Variants in GNB5 observed in about 807,000 individuals in gnomAD.
GNB5 encodes the protein guanine nucleotide-binding protein subunit beta-5.
GNB5 carries 37 observed loss-of-function variants against 55.3 expected under a neutral mutation model. The observed-to-expected ratio is 0.67, with a 90% CI of 0.51 to 0.88. GNB5 has a LOEUF of 0.88. Ranked by LOEUF, GNB5 falls within the 40% of genes least tolerant of loss-of-function variation. GNB5 has a pLI of 0.00. For synonymous variants in GNB5, 219 were observed against 198.5 expected, an observed-to-expected ratio of 1.10 and a Z score of -0.87; for missense variants, 476 against 515.3, an observed-to-expected ratio of 0.92 and a Z score of 0.74.
At position 52,177,020 on chromosome 15, in the gene GNB5, A is replaced by G. The variant is rs542008240; in HGVS notation, c.238+2748T>C. Among the ~76,000 whole-genome samples, 17 of 137,686 alleles carry G rather than the reference A, an allele frequency of 1.2e-4. No homozygotes were observed. The South Asian group carries it at 3.5e-3, about 28-fold the overall frequency. 90.3% of individuals were successfully genotyped at this position (137,686 alleles called of 152,430 possible). A position where few individuals can be genotyped will look rare whatever the true frequency, so the allele number is the denominator to read the frequency against. ...ACACCCCCTCCTGGGGCCTCTGCCT[A>G]GCTCCTCCTTTTTTTTTTTTTTTTT... On this transcript the variant is annotated intron_variant, in intron 3 of 12. Coordinates refer to ENST00000261837, the MANE Select transcript of GNB5 (RefSeq NM_016194.4).
Position 52,155,078 on chromosome 15 carries a change from T to G in GNB5, c.239-1002A>C, listed in dbSNP as rs374855310. On this transcript the variant is annotated intron_variant, in intron 3 of 12. Transcript: ENST00000261837. ...AGGTCTGCAGGGATCCCATGGCCACTCTCCACTTCCCTCTCTTGTTGGTAG... is the reference window on the plus strand; with the variant it reads ...AGGTCTGCAGGGATCCCATGGCCACGCTCCACTTCCCTCTCTTGTTGGTAG... Among the ~76,000 whole-genome samples the G allele has an allele frequency of 4.9e-4, 74 of 152,276 alleles. 1 individual carries two copies. In the East Asian group the frequency reaches 0.013, roughly 26 times the overall value.
At chr15:52,182,917 C>G (rs2034792321) in intron 2 of GNB5, among the ~76,000 whole-genome samples, 1 of 152,152 alleles carries the variant, frequency 6.6e-6, no homozygotes, top group Non-Finnish European at 1.5e-5. Context: ...TTTGGGAGGC[C>G]AAGGTGAGTG....
At chr15:52,128,927 T>C (rs1369565072) in intron 9 of GNB5, 4 of 336,876 alleles carry the variant, frequency 1.2e-5, no homozygotes, top group Non-Finnish European at 2.3e-5. Context: ...CACCCAGCTG[T>C]GTTCCCCACA....
intron 7 of GNB5, chr15:52,137,383 G>A: frequency 9.7e-7 from 1 of 1,033,960 alleles, no homozygotes; most frequent in Non-Finnish European, 1.2e-6. Context: ...GTGAAAGAAG[G>A]GAAGGGGAGA....
At chr15:52,164,272 C>A (rs1291416617) in intron 3 of GNB5, among the ~76,000 whole-genome samples, 1 of 137,648 alleles carries the variant, frequency 7.3e-6, no homozygotes, top group Non-Finnish European at 1.5e-5. Context: ...GGTGCCATTG[C>A]ACTCCAGCCT....
intron 5 of GNB5, chr15:52,149,682 C>T (rs562219686): frequency 3.1e-5 from 20 of 648,726 alleles, no homozygotes; most frequent in Admixed American, 6.7e-5. Flanking sequence ...CCTCTTGGGG[C>T]GAGAGGGGAA....
chr15:52,137,917 A>C (rs1178657760), intron 7 of GNB5: 1 of 1,287,088 alleles, frequency 7.8e-7, no homozygotes, highest in African/African-American at 1.5e-5. Flanking sequence ...TGTCCACAAG[A>C]GAGCCCTTTG....
rs112860132 is a variant in GNB5 at position 52,142,147 on chromosome 15, T to C, written c.495-875A>G. Among the ~76,000 whole-genome samples the C allele has an allele frequency of 2.6e-4, 39 of 152,350 alleles. 1 individual carries two copies. The highest frequency in any genetic ancestry group is 8.7e-4 in the African/African-American group (36 of 41,586). ...TTCTTATTGCTTCATGTCACAAGGC[T>C]TGTAATGTCTCTTCCAAGATTGGTA... On this transcript the variant is annotated intron_variant, in intron 6 of 12. Coordinates refer to ENST00000261837, the MANE Select transcript of GNB5 (RefSeq NM_016194.4).
chr15:52,122,818 A>T (rs1182717078), intron 12 of GNB5, 50 bp from the exon 13 acceptor site: 1 of 1,465,098 alleles, frequency 6.8e-7, no homozygotes, highest in East Asian at 2.3e-5. Flanking sequence ...TTAACAACTT[A>T]TAAAACTTGA....
intron 3 of GNB5, among the ~76,000 whole-genome samples, chr15:52,171,328 C>T (rs1231289700): frequency 6.6e-6 from 1 of 151,868 alleles, no homozygotes; most frequent in Non-Finnish European, 1.5e-5. Flanking sequence ...AGTACAGTCC[C>T]TAGTAAGCTT....
At chr15:52,125,716 G>A (rs761396828) in intron 11 of GNB5, 5 of 472,196 alleles carry the variant, frequency 1.1e-5, no homozygotes, top group Non-Finnish European at 1.9e-5. Context: ...TTGAAGGACA[G>A]CATTAGGTGG....
At chr15:52,141,902 A>T (rs2033864313) in intron 6 of GNB5, among the ~76,000 whole-genome samples, 4 of 152,224 alleles carry the variant, frequency 2.6e-5, no homozygotes, top group South Asian at 2.1e-4. Flanking sequence ...GGATCCAGGG[A>T]CCAACCAAGG....
intron 4 of GNB5, among the ~76,000 whole-genome samples, chr15:52,150,283 G>A (rs1272726149): frequency 1.3e-5 from 2 of 152,194 alleles, no homozygotes; most frequent in African/African-American, 4.8e-5. Context: ...ACAGGGGAAA[G>A]ATAAAGCTGA....
At chr15:52,160,712 G>GGA (rs2141222081) in intron 3 of GNB5, among the ~76,000 whole-genome samples, 1 of 152,160 alleles carries the variant, frequency 6.6e-6, no homozygotes, top group South Asian at 2.1e-4. Context: ...CCACATATGT[G>GGA]CACACACATA....
In GNB5 at chr15:52,122,619, C is replaced by T. The variant is rs113726962; in HGVS notation, c.*138G>A. 329 of 718,208 alleles carry T rather than the reference C, an allele frequency of 4.6e-4. 1 individual carries two copies. Among genetic ancestry groups the T allele is most frequent in the African/African-American group, 4.4e-3 (251 of 57,108 alleles). 44.5% of individuals were successfully genotyped at this position (718,208 alleles called of 1,614,324 possible). On this transcript the variant is annotated 3_prime_UTR_variant, in exon 13 of 13. Coordinates refer to ENST00000261837, the MANE Select transcript of GNB5 (RefSeq NM_016194.4). The stretch of plus-strand genomic sequence containing the variant: ...ACAGTTTTAATAGTCATATTGGAGA[C>T]GCTTAGTGACCTGTGAGCCATGGGT...
intron 3 of GNB5, among the ~76,000 whole-genome samples, chr15:52,161,703 G>A (rs1324864497): frequency 6.6e-6 from 1 of 152,252 alleles, no homozygotes; most frequent in Non-Finnish European, 1.5e-5. Flanking sequence ...CACTTGGCTG[G>A]AAGAATCATG....
At position 52,154,053 on chromosome 15, in the gene GNB5, C is replaced by T; in HGVS notation, c.262G>A (p.Glu88Lys). The T allele has an allele frequency of 1.2e-6, 2 of 1,614,064 alleles. No individual in the cohort carries two copies. The highest frequency in any genetic ancestry group is 1.7e-6 in the Non-Finnish European group (2 of 1,179,930). Residue 88 changes from glutamate to lysine, a missense_variant, in exon 4 of 13, where the codon GAG (glutamate) becomes AAG (lysine). By Grantham distance (56) the Glu-to-Lys change is moderately conservative. Transcript: ENST00000261837. Reference protein sequence around the residue: ...VELHQVAERVEALGQFVMKTR... With the variant: ...VELHQVAERVKALGQFVMKTR... ...TTCATGACAAACTGCCCCAGGGCCT[C>T]CACCCGCTCCGCCACCTGGTGCACT...
chr15:52,137,615 A>G (rs2033755189), intron 7 of GNB5: 1 of 1,120,044 alleles, frequency 8.9e-7, no homozygotes. Flanking sequence ...AGGGGTGCCC[A>G]GGGAAAGACA....
intron 3 of GNB5, among the ~76,000 whole-genome samples, chr15:52,154,986 A>T (rs1488938099): frequency 6.6e-6 from 1 of 152,230 alleles, no homozygotes; most frequent in African/African-American, 2.4e-5. Context: ...ACAAGTTTGT[A>T]GGAAGTGGCT....
Sources: gnomAD v4.1 joint callset for allele counts (sites outside exome capture counted in the v4.1 genomes callset) on GRCh38, gnomAD v4.1.1 for gene constraint, MANE v1.5 for transcripts, NCBI Gene and HGNC (gene_info 2026-07-23, HGNC 2026-07-21) for gene names.